The following KCNIP4 variants were observed in gnomAD, a reference collection of about 807,000 sequenced individuals.
The protein encoded by KCNIP4 is Kv channel-interacting protein 4.
A neutral mutation model predicts 34.0 loss-of-function variants in KCNIP4; 12 were observed. That is an observed-to-expected ratio of 0.35 (90% CI 0.23 to 0.57). The LOEUF (loss-of-function observed/expected upper bound fraction) is 0.57, where lower values mean the gene tolerates loss of function less well. KCNIP4 is among the 20% of genes least tolerant of loss of function. The pLI is 0.83. For synonymous variants in KCNIP4, 124 were observed against 102.2 expected (o/e 1.21, Z -1.29); for missense variants, 238 against 311.7 (o/e 0.76, Z 1.78).
In KCNIP4 at chr4:21,200,056, G is replaced by A. The variant is rs546271277; in HGVS notation, c.62-317347C>T. On this transcript the variant is annotated intron_variant, in intron 1 of 8. Coordinates refer to ENST00000382152, the MANE Select transcript of KCNIP4 (RefSeq NM_025221.6). ...GGGCCTGTTGTGGGGTGGGGGAAGC[G>A]GGGAGGGATAGCATTAGGAGATATA... Among the ~76,000 whole-genome samples the A allele has an allele frequency of 3.2e-4, 48 of 152,054 alleles. 1 individual carries two copies. The highest frequency in any genetic ancestry group is 9.2e-4 in the African/African-American group (38 of 41,460).
chr4:20,848,411 TA>T (rs1166063778), intron 3 of KCNIP4, among the ~76,000 whole-genome samples: 1 of 145,048 alleles, frequency 6.9e-6, no homozygotes, highest in Non-Finnish European at 1.5e-5. Context: ...TCAGAAGGAT[TA>T]AAAAAGGGGA....
rs943126161 is a variant in KCNIP4, at chr4:21,407,995, G to A, written c.62-525286C>T. On this transcript the variant is annotated intron_variant, in intron 1 of 8. Transcript: ENST00000382152. The stretch of plus-strand genomic sequence containing the variant: ...AAAATAAACAACTGAATCTCTCTAG[G>A]CCACAGCTGTCTTTCTATGGATAAT... Among the ~76,000 whole-genome samples, 2 of 152,036 alleles carry A rather than the reference G, an allele frequency of 1.3e-5. 1 individual carries two copies. Among genetic ancestry groups the A allele is most frequent in the South Asian group, 4.1e-4 (2 of 4,820 alleles).
chr4:21,032,931 G>T (rs1741142333), intron 1 of KCNIP4, among the ~76,000 whole-genome samples: 1 of 152,108 alleles, frequency 6.6e-6, no homozygotes, highest in Non-Finnish European at 1.5e-5. Context: ...TGAGGGAGAA[G>T]CAAGGGAAGG....
At chr4:21,686,034 T>G (rs1750779496) in intron 1 of KCNIP4, among the ~76,000 whole-genome samples, 1 of 152,238 alleles carries the variant, frequency 6.6e-6, no homozygotes, top group African/African-American at 2.4e-5. Context: ...CTTTTGACTT[T>G]TGTTTGGCTC....
intron 1 of KCNIP4, among the ~76,000 whole-genome samples, chr4:21,647,374 C>A (rs1344772130): frequency 6.6e-6 from 1 of 152,046 alleles, no homozygotes; most frequent in Non-Finnish European, 1.5e-5. Flanking sequence ...TTCATTCTAT[C>A]TCTCTTATCC....
At chr4:21,010,161 T>C (rs1738944035) in intron 1 of KCNIP4, among the ~76,000 whole-genome samples, 1 of 152,192 alleles carries the variant, frequency 6.6e-6, no homozygotes. Flanking sequence ...CTCTGAAAGC[T>C]GTAGGGGGTC....
intron 1 of KCNIP4, among the ~76,000 whole-genome samples, chr4:21,739,689 T>C (rs1170449180): frequency 1.3e-5 from 2 of 152,080 alleles, no homozygotes; most frequent in Non-Finnish European, 2.9e-5. Flanking sequence ...ACCACTATGA[T>C]ATAAGGAGAA....
At chr4:21,261,726 G>A (rs751560999) in intron 1 of KCNIP4, among the ~76,000 whole-genome samples, 4 of 151,914 alleles carry the variant, frequency 2.6e-5, no homozygotes, top group South Asian at 2.1e-4. Context: ...TTGGCTCTAC[G>A]TCTACAATAC....
chr4:21,685,477 T>C (rs1330048192), intron 1 of KCNIP4, among the ~76,000 whole-genome samples: 1 of 152,184 alleles, frequency 6.6e-6, no homozygotes, highest in Non-Finnish European at 1.5e-5. Context: ...GGTCTAAGTG[T>C]TTCTACCCCA....
chr4:20,958,725 A>G (rs530708098), intron 1 of KCNIP4, among the ~76,000 whole-genome samples: 11 of 152,264 alleles, frequency 7.2e-5, no homozygotes, highest in Admixed American at 3.3e-4. Context: ...TATTTGGGAG[A>G]TATGCAAACC....
chr4:20,867,046 C>T (rs1275544154), intron 2 of KCNIP4, among the ~76,000 whole-genome samples: 1 of 151,912 alleles, frequency 6.6e-6, no homozygotes, highest in Non-Finnish European at 1.5e-5. Flanking sequence ...TTCTTGTAGA[C>T]TGAAAGAATC....
chr4:21,104,033 C>T (rs1050272343), intron 1 of KCNIP4, among the ~76,000 whole-genome samples: 33 of 139,362 alleles, frequency 2.4e-4, no homozygotes, highest in African/African-American at 9.1e-4. Context: ...TGAATAGTGC[C>T]TCAATAAACA....
intron 1 of KCNIP4, among the ~76,000 whole-genome samples, chr4:21,242,747 A>G (rs1174230230): frequency 1.3e-5 from 2 of 152,140 alleles, no homozygotes; most frequent in African/African-American, 4.8e-5. Context: ...TTGGACTTGA[A>G]ATGGAATGAA....
At chr4:21,492,845 T>C (rs1732528607) in intron 1 of KCNIP4, among the ~76,000 whole-genome samples, 1 of 152,200 alleles carries the variant, frequency 6.6e-6, no homozygotes, top group African/African-American at 2.4e-5. Context: ...AAACATTTCA[T>C]TCTCTAATGC....
At chr4:20,810,941 C>G (rs1715674824) in intron 3 of KCNIP4, among the ~76,000 whole-genome samples, 1 of 152,120 alleles carries the variant, frequency 6.6e-6, no homozygotes, top group African/African-American at 2.4e-5. Context: ...CGTACTGGGA[C>G]AGAGGCATTG....
At chr4:21,068,833 A>T (rs1744646277) in intron 1 of KCNIP4, among the ~76,000 whole-genome samples, 1 of 152,160 alleles carries the variant, frequency 6.6e-6, no homozygotes, top group Admixed American at 6.5e-5. Flanking sequence ...TAATAATTTT[A>T]TTTAGAATAA....
At chr4:21,249,063 C>A (rs557818761) in intron 1 of KCNIP4, among the ~76,000 whole-genome samples, 6 of 151,976 alleles carry the variant, frequency 3.9e-5, no homozygotes, top group Non-Finnish European at 7.4e-5. Context: ...ACTAGAAATT[C>A]GTATTTTCTT....
intron 1 of KCNIP4, among the ~76,000 whole-genome samples, chr4:20,998,823 C>T (rs1258750402): frequency 7.2e-5 from 11 of 152,310 alleles, no homozygotes; most frequent in East Asian, 3.9e-4. Flanking sequence ...ATTGCACAGT[C>T]GGTGCACTTA....
chr4:21,746,957 T>C (rs1452565878), intron 1 of KCNIP4, among the ~76,000 whole-genome samples: 1 of 152,222 alleles, frequency 6.6e-6, no homozygotes, highest in East Asian at 1.9e-4. Context: ...ATTGCAGTTT[T>C]AAAATTTCCA....
Sources: allele counts gnomAD v4.1 joint callset (sites outside exome capture counted in the v4.1 genomes callset), GRCh38; gene constraint gnomAD v4.1.1; transcripts MANE v1.5; gene names NCBI Gene and HGNC (gene_info 2026-07-23, HGNC 2026-07-21).